MIS18A: variants seen among roughly 807,000 people sequenced by gnomAD.
The protein encoded by MIS18A is protein Mis18-alpha.
MIS18A carries 14 observed loss-of-function variants against 25.0 expected under a neutral mutation model. The observed-to-expected ratio is 0.56, with a 90% CI of 0.37 to 0.88. The LOEUF (loss-of-function observed/expected upper bound fraction) is 0.88, where lower values mean the gene tolerates loss of function less well. Among genes scored for constraint, MIS18A ranks in the 40% least tolerant of loss-of-function variants. MIS18A has a pLI of 0.00. For missense variants in MIS18A, 292 were observed against 290.8 expected (o/e 1.00, Z -0.03); for synonymous variants, 134 against 118.6 (o/e 1.13, Z -0.84).
chr21:32,275,913 C>T (rs2031799325), intron 1 of MIS18A, among the ~76,000 whole-genome samples: 2 of 152,026 alleles, frequency 1.3e-5, no homozygotes, highest in Admixed American at 6.6e-5. Flanking sequence ...CTCCCCACTT[C>T]CATACTTGTT....
the MIS18A span, among the ~76,000 whole-genome samples, chr21:32,164,689 T>C: frequency 1.3e-5 from 2 of 151,666 alleles, no homozygotes; most frequent in African/African-American, 4.8e-5. Flanking sequence ...TAGCAGTATG[T>C]TATACATCAA....
chr21:32,204,877 ACT>A, the MIS18A span, among the ~76,000 whole-genome samples: 1 of 152,132 alleles, frequency 6.6e-6, no homozygotes, highest in Non-Finnish European at 1.5e-5. Context: ...ACAGAGCAAG[ACT>A]CTGGCTCAAA....
At chr21:32,244,654 T>A in the MIS18A span, among the ~76,000 whole-genome samples, 3 of 152,220 alleles carry the variant, frequency 2.0e-5, no homozygotes, top group Admixed American at 1.3e-4. Context: ...GGAGGACTGC[T>A]TGAGCCTGGG....
At chr21:32,156,823 C>T in the MIS18A span, among the ~76,000 whole-genome samples, 1 of 151,892 alleles carries the variant, frequency 6.6e-6, no homozygotes, top group South Asian at 2.1e-4. Flanking sequence ...AAAGAGACCC[C>T]CTTAACCCCC....
At chr21:32,169,821 C>T in the MIS18A span, among the ~76,000 whole-genome samples, 5 of 151,988 alleles carry the variant, frequency 3.3e-5, no homozygotes, top group Non-Finnish European at 5.9e-5. Flanking sequence ...TAAAACTTCA[C>T]GGAATAAGCC....
the MIS18A span, among the ~76,000 whole-genome samples, chr21:32,188,160 A>C: frequency 6.6e-6 from 1 of 152,228 alleles, no homozygotes; most frequent in African/African-American, 2.4e-5. Context: ...TGAGAAAAGT[A>C]AATGTCTGTT....
the MIS18A span, among the ~76,000 whole-genome samples, chr21:32,232,072 C>T: frequency 6.6e-6 from 1 of 152,088 alleles, no homozygotes; most frequent in Non-Finnish European, 1.5e-5. Context: ...ATGGAAACAA[C>T]CTAAGCATCT....
the MIS18A span, among the ~76,000 whole-genome samples, chr21:32,179,647 C>T: frequency 1.3e-5 from 2 of 152,168 alleles, no homozygotes; most frequent in Non-Finnish European, 2.9e-5. Context: ...GTTTTAGCTG[C>T]TATGTACTGA....
chr21:32,229,628 T>G, the MIS18A span, among the ~76,000 whole-genome samples: 1 of 152,194 alleles, frequency 6.6e-6, no homozygotes, highest in African/African-American at 2.4e-5. Flanking sequence ...CAGAATCAAC[T>G]CAGCATCTCA....
chr21:32,205,502 C>T, the MIS18A span, among the ~76,000 whole-genome samples: 7 of 152,252 alleles, frequency 4.6e-5, no homozygotes, highest in East Asian at 1.2e-3. Context: ...TCCCCCACCC[C>T]TACTTAAATC....
chr21:32,198,908 A>G, the MIS18A span, among the ~76,000 whole-genome samples: 19 of 126,576 alleles, frequency 1.5e-4, no homozygotes, highest in Admixed American at 2.3e-4. Flanking sequence ...GCTCTGTCTA[A>G]AAAAAAAAAA....
At chr21:32,189,603 A>G in the MIS18A span, among the ~76,000 whole-genome samples, 1 of 152,178 alleles carries the variant, frequency 6.6e-6, no homozygotes. Context: ...GTACTTTGCC[A>G]TGATCCTGAT....
the MIS18A span, among the ~76,000 whole-genome samples, chr21:32,183,715 A>T: frequency 6.6e-6 from 1 of 152,194 alleles, no homozygotes; most frequent in Non-Finnish European, 1.5e-5. Context: ...ATATTTGCAG[A>T]TCCATCACAA....
At chr21:32,272,051 T>C (rs896832827) in intron 2 of MIS18A, among the ~76,000 whole-genome samples, 2 of 152,310 alleles carry the variant, frequency 1.3e-5, no homozygotes, top group Non-Finnish European at 2.9e-5. Flanking sequence ...ACTTCTAGAA[T>C]CATCTTGTGG....
chr21:32,227,895 T>C, the MIS18A span, among the ~76,000 whole-genome samples: 1 of 152,030 alleles, frequency 6.6e-6, no homozygotes, highest in African/African-American at 2.4e-5. Context: ...GGATTCAACA[T>C]AAAAAATCAA....
chr21:32,160,817 G>C, the MIS18A span, among the ~76,000 whole-genome samples: 2 of 152,122 alleles, frequency 1.3e-5, no homozygotes, highest in African/African-American at 4.8e-5. Context: ...TTTTAGTAGA[G>C]ACAGGGTTTC....
the MIS18A span, among the ~76,000 whole-genome samples, chr21:32,246,753 T>G: frequency 6.6e-6 from 1 of 152,050 alleles, no homozygotes; most frequent in Non-Finnish European, 1.5e-5. Context: ...CTTCAGAATC[T>G]CAAGAGCAGC....
the MIS18A span, among the ~76,000 whole-genome samples, chr21:32,198,457 T>A: frequency 6.6e-6 from 1 of 152,260 alleles, no homozygotes; most frequent in South Asian, 2.1e-4. Context: ...GGCAGAGACC[T>A]GGGCACACTG....
the MIS18A span, among the ~76,000 whole-genome samples, chr21:32,157,840 A>T: frequency 6.6e-6 from 1 of 152,174 alleles, no homozygotes. Context: ...AGCATATTTT[A>T]TATTTCTACT....
Sources: gnomAD v4.1 joint callset for allele counts (sites outside exome capture counted in the v4.1 genomes callset) on GRCh38, gnomAD v4.1.1 for gene constraint, MANE v1.5 for transcripts, NCBI Gene and HGNC (gene_info 2026-07-23, HGNC 2026-07-21) for gene names.